CNTN4: variants seen among roughly 807,000 people sequenced by gnomAD.
The protein encoded by CNTN4 is contactin-4.
A neutral mutation model predicts 122.5 loss-of-function variants in CNTN4; 77 were observed. The ratio of observed to expected loss-of-function variants is 0.63; its 90% CI spans 0.52 to 0.76. CNTN4 has a LOEUF of 0.76. Ranked by LOEUF, CNTN4 falls within the 30% of genes least tolerant of loss-of-function variation. The pLI is 0.00. For synonymous variants in CNTN4, 512 were observed against 447.0 expected, an observed-to-expected ratio of 1.15 and a Z score of -1.83; for missense variants, 1,256 against 1,259.1, an observed-to-expected ratio of 1.00 and a Z score of 0.04.
At chr3:3,048,305 A>G (rs974505219) in intron 23 of CNTN4, among the ~76,000 whole-genome samples, 2 of 152,220 alleles carry the variant, frequency 1.3e-5, no homozygotes, top group African/African-American at 2.4e-5. Context: ...AACTATTTAC[A>G]TACCATTTAC....
In CNTN4 at chr3:2,339,211, G is replaced by T. The variant is rs548167440; in HGVS notation, c.-111G>T. The T allele has an allele frequency of 6.6e-6, 1 of 152,048 alleles. No individual in the cohort carries two copies. Among genetic ancestry groups the T allele is most frequent in the African/African-American group, 2.4e-5 (1 of 41,422 alleles). The allele number at this position is 152,048 out of a possible 1,614,324, so 9.4% of individuals were successfully genotyped here. ...GACATAGAGTAACTCCACAGCATGTGTCTTCAAGAGCTTCCCTAAAAGGTA... is the reference window on the plus strand; with the variant it reads ...GACATAGAGTAACTCCACAGCATGTTTCTTCAAGAGCTTCCCTAAAAGGTA... On this transcript the variant is annotated 5_prime_UTR_variant, in exon 3 of 25. Coordinates refer to ENST00000418658, the MANE Select transcript of CNTN4 (RefSeq NM_175607.3).
chr3:2,667,069 A>G (rs2084212798), intron 4 of CNTN4, among the ~76,000 whole-genome samples: 1 of 152,100 alleles, frequency 6.6e-6, no homozygotes, highest in African/African-American at 2.4e-5. Context: ...ATGTGTCTTT[A>G]TAGCAGCATG....
At chr3:2,272,167 GT>G (rs35450429) in intron 2 of CNTN4, among the ~76,000 whole-genome samples, 81,472 of 151,548 alleles carry the variant, frequency 0.54, 22,522 homozygotes, top group South Asian at 0.68. Flanking sequence ...AAAATTACAA[GT>G]TTTTTTTCTG....
intron 7 of CNTN4, 172 bp from the exon 8 acceptor site, chr3:2,866,580 G>T: frequency 8.3e-7 from 1 of 1,208,826 alleles, no homozygotes; most frequent in Non-Finnish European, 1.1e-6. Context: ...TAGTAGAAAG[G>T]CTGGTAAAAT....
chr3:3,011,906 TGATGAG>T (rs11278597), intron 14 of CNTN4, among the ~76,000 whole-genome samples: 16,377 of 151,980 alleles, frequency 0.11, 926 homozygotes, highest in South Asian at 0.15. Context: ...ATGACAGTGA[TGATGAG>T]GATGAGGATG....
chr3:2,796,832 G>A (rs1433697170), intron 6 of CNTN4, among the ~76,000 whole-genome samples: 1 of 152,154 alleles, frequency 6.6e-6, no homozygotes, highest in Non-Finnish European at 1.5e-5. Flanking sequence ...TCCCAAAGTA[G>A]TCATCCTGAC....
At chr3:2,158,519 G>A (rs180842113) in intron 2 of CNTN4, among the ~76,000 whole-genome samples, 8 of 152,290 alleles carry the variant, frequency 5.3e-5, no homozygotes, top group South Asian at 2.1e-4. Flanking sequence ...TGGTTGGGCC[G>A]GATGTCCTCC....
chr3:2,859,227 A>G (rs62234241), intron 7 of CNTN4, among the ~76,000 whole-genome samples: 18,042 of 152,230 alleles, frequency 0.12, 1,209 homozygotes, highest in East Asian at 0.16. Flanking sequence ...GTTGTTGCAA[A>G]TAACAGTATT....
At chr3:2,990,631 C>A (rs1694970751) in intron 14 of CNTN4, among the ~76,000 whole-genome samples, 1 of 152,188 alleles carries the variant, frequency 6.6e-6, no homozygotes, top group South Asian at 2.1e-4. Context: ...CAAAACCGTT[C>A]CCAACCAACT....
chr3:2,468,656 T>G (rs1283425718), intron 3 of CNTN4, among the ~76,000 whole-genome samples: 1 of 152,190 alleles, frequency 6.6e-6, no homozygotes, highest in African/African-American at 2.4e-5. Flanking sequence ...TAGGTAGTTC[T>G]AGGACTATCT....
intron 2 of CNTN4, among the ~76,000 whole-genome samples, chr3:2,337,818 G>A (rs1178549): frequency 0.9 from 137,565 of 152,088 alleles, 62,636 homozygotes; most frequent in East Asian, 1. Context: ...AACTTTGACC[G>A]ATGTCTGTAG....
rs577398818 is a variant in CNTN4 at position 2,211,468 on chromosome 3, T to C, written c.-145+110829T>C. Among the ~76,000 whole-genome samples the C allele has an allele frequency of 2.6e-5, 4 of 152,300 alleles. No homozygotes were observed. The South Asian group carries it at 8.3e-4, about 32-fold the overall frequency. On this transcript the variant is annotated intron_variant, in intron 2 of 24. Coordinates refer to ENST00000418658, the MANE Select transcript of CNTN4 (RefSeq NM_175607.3). ...TATGCGTTGTGTAGTTTTATGTCAC[T>C]CTATGCCCCACATTGATTTTCTTCC...
At chr3:2,671,886 A>T (rs1397780862) in intron 4 of CNTN4, among the ~76,000 whole-genome samples, 6 of 152,122 alleles carry the variant, frequency 3.9e-5, no homozygotes, top group East Asian at 1.9e-4. Flanking sequence ...TTGCCTGGGT[A>T]TCAGCAGCGG....
chr3:2,362,334 C>T (rs868120623), intron 3 of CNTN4: 67 of 289,068 alleles, frequency 2.3e-4, no homozygotes, highest in Middle Eastern at 1.3e-3. Context: ...GCGCGGCACA[C>T]ATCTGAGGAG....
At chr3:2,187,122 A>T (rs1031526737) in intron 2 of CNTN4, among the ~76,000 whole-genome samples, 2 of 152,116 alleles carry the variant, frequency 1.3e-5, no homozygotes, top group Non-Finnish European at 2.9e-5. Context: ...TAAGGAAGGG[A>T]TCCACTTTCA....
intron 2 of CNTN4, among the ~76,000 whole-genome samples, chr3:2,219,907 A>G (rs2038995497): frequency 6.6e-6 from 1 of 152,134 alleles, no homozygotes; most frequent in Non-Finnish European, 1.5e-5. Flanking sequence ...TCCCTATGAT[A>G]AATACCTTCT....
intron 4 of CNTN4, among the ~76,000 whole-genome samples, chr3:2,613,889 A>G (rs1448619702): frequency 6.6e-6 from 1 of 152,160 alleles, no homozygotes; most frequent in Non-Finnish European, 1.5e-5. Context: ...AAACCTCACC[A>G]AATCTATCCC....
rs76269027 is a variant in CNTN4 at position 2,768,339 on chromosome 3, T to C, written c.358+22642T>C. 3.1e-4 allele frequency among the ~76,000 whole-genome samples: 47 copies of C among 152,326 alleles called. No homozygotes were observed. The East Asian group carries it at 8.1e-3, about 26-fold the overall frequency. Reference sequence around the variant, plus strand: ...AATCTTATCTTGGATAATTAATATTTCAACAAAAATCAATGTGGCTACAGT... The same window carrying C: ...AATCTTATCTTGGATAATTAATATTCCAACAAAAATCAATGTGGCTACAGT... On this transcript the variant is annotated intron_variant, in intron 6 of 24. Coordinates refer to ENST00000418658, the MANE Select transcript of CNTN4 (RefSeq NM_175607.3).
intron 6 of CNTN4, among the ~76,000 whole-genome samples, chr3:2,758,680 T>A (rs951909288): frequency 2.6e-5 from 4 of 152,068 alleles, no homozygotes; most frequent in Admixed American, 2.0e-4. Flanking sequence ...CTGATTTTTG[T>A]ATTTTTAGTA....
Sources: gnomAD v4.1 joint callset for allele counts (sites outside exome capture counted in the v4.1 genomes callset) on GRCh38, gnomAD v4.1.1 for gene constraint, MANE v1.5 for transcripts, NCBI Gene and HGNC (gene_info 2026-07-23, HGNC 2026-07-21) for gene names.